FHIT: variants seen among roughly 807,000 people sequenced by gnomAD.
FHIT encodes the protein fragile histidine triad diadenosine triphosphatase, also known as bis(5'-adenosyl)-triphosphatase.
A neutral mutation model predicts 17.9 loss-of-function variants in FHIT; 19 were observed. The observed-to-expected ratio is 1.06, with a 90% CI of 0.74 to 1.56. The LOEUF is 1.56. Among genes scored for constraint, FHIT ranks in the 40% most tolerant of loss-of-function variants. The pLI is 0.00. For synonymous variants in FHIT, 81 were observed against 69.7 expected (o/e 1.16, Z -0.81); for missense variants, 248 against 189.2 (o/e 1.31, Z -1.82).
At position 60,767,331 on chromosome 3, in the gene FHIT, G is replaced by C. The variant is rs148003172; in HGVS notation, c.-18+54588C>G. On this transcript the variant is annotated intron_variant, in intron 4 of 9. Transcript: ENST00000492590. Reference sequence around the variant, plus strand: ...CACCACAATGATGACCATGCACAGAGTGTTTCTATCAGCAAGCCTATATTG... The same window carrying C: ...CACCACAATGATGACCATGCACAGACTGTTTCTATCAGCAAGCCTATATTG... 2.7e-3 allele frequency among the ~76,000 whole-genome samples: 410 copies of C among 152,286 alleles called. 1 individual carries two copies. The highest frequency in any genetic ancestry group is 4.5e-3 in the Non-Finnish European group (306 of 68,010).
chr3:61,138,283 C>T (rs2036974377), intron 2 of FHIT, among the ~76,000 whole-genome samples: 2 of 152,198 alleles, frequency 1.3e-5, no homozygotes, highest in African/African-American at 2.4e-5. Flanking sequence ...TACTGAGCCA[C>T]AGCCTGGGAG....
chr3:59,762,568 T>G (rs1016330352), intron 8 of FHIT, among the ~76,000 whole-genome samples: 5 of 152,178 alleles, frequency 3.3e-5, no homozygotes, highest in African/African-American at 1.2e-4. Context: ...CCAAACAAAT[T>G]TGCTGTATGT....
At chr3:60,399,186 CT>C (rs1701570067) in intron 5 of FHIT, among the ~76,000 whole-genome samples, 1 of 152,150 alleles carries the variant, frequency 6.6e-6, no homozygotes, top group Non-Finnish European at 1.5e-5. Flanking sequence ...AAAGTTTCCT[CT>C]TATCATCATA....
chr3:60,536,608 CA>C, intron 5 of FHIT: 1 of 374,876 alleles, frequency 2.7e-6, no homozygotes. Context: ...AATTCACCTC[CA>C]AAGCCACGGT....
At chr3:60,421,605 T>C (rs1199325624) in intron 5 of FHIT, among the ~76,000 whole-genome samples, 1 of 152,146 alleles carries the variant, frequency 6.6e-6, no homozygotes, top group Admixed American at 6.5e-5. Context: ...AGGTATTCCA[T>C]TTAATACTAT....
At position 60,347,795 on chromosome 3, in the gene FHIT, G is replaced by C. The variant is rs183217732; in HGVS notation, c.103+189065C>G. Among the ~76,000 whole-genome samples the C allele has an allele frequency of 1.8e-3, 263 of 149,724 alleles. 2 individuals carry two copies. The highest frequency in any genetic ancestry group is 7.8e-4 in the Non-Finnish European group (53 of 67,816). Reference sequence around the variant, plus strand: ...TTTTTTGAGACAAAGTCTCGCTCTTGTTGCCCAGGCTGGAGTGCAATAGCA... The same window carrying C: ...TTTTTTGAGACAAAGTCTCGCTCTTCTTGCCCAGGCTGGAGTGCAATAGCA... On this transcript the variant is annotated intron_variant, in intron 5 of 9. Transcript: ENST00000492590.
intron 5 of FHIT, among the ~76,000 whole-genome samples, chr3:60,493,417 T>C (rs940611628): frequency 7.2e-5 from 11 of 152,180 alleles, no homozygotes; most frequent in African/African-American, 2.7e-4. Context: ...GGCAAGCCAA[T>C]ATATGCTTAC....
chr3:60,964,876 T>A (rs1465147888), intron 3 of FHIT, among the ~76,000 whole-genome samples: 1 of 152,196 alleles, frequency 6.6e-6, no homozygotes, highest in African/African-American at 2.4e-5. Context: ...TTTTCCTTCA[T>A]TTCAACTTTG....
chr3:60,389,322 G>A (rs762209193), intron 5 of FHIT, among the ~76,000 whole-genome samples: 1 of 152,122 alleles, frequency 6.6e-6, no homozygotes, highest in Non-Finnish European at 1.5e-5. Flanking sequence ...GATATTTATG[G>A]CAAGTTTTAG....
chr3:60,317,317 T>C (rs575605160), intron 5 of FHIT, among the ~76,000 whole-genome samples: 8 of 152,056 alleles, frequency 5.3e-5, no homozygotes, highest in Non-Finnish European at 1.0e-4. Flanking sequence ...CTATTCATCC[T>C]GGACTGACAA....
chr3:60,896,071 T>C (rs1405881121), intron 3 of FHIT, among the ~76,000 whole-genome samples: 5 of 152,078 alleles, frequency 3.3e-5, no homozygotes, highest in African/African-American at 1.2e-4. Context: ...TAGATTCTCA[T>C]GGCAACATTA....
chr3:60,838,199 G>A (rs1453406712), intron 3 of FHIT, among the ~76,000 whole-genome samples: 2 of 152,214 alleles, frequency 1.3e-5, no homozygotes, highest in South Asian at 2.1e-4. Flanking sequence ...CCGGCTGGGC[G>A]TGGTGGCTCA....
chr3:60,347,444 C>G (rs1182104607), intron 5 of FHIT, among the ~76,000 whole-genome samples: 1 of 151,864 alleles, frequency 6.6e-6, no homozygotes, highest in African/African-American at 2.4e-5. Flanking sequence ...ACATTACAGC[C>G]ATTAAAAAAG....
intron 7 of FHIT, among the ~76,000 whole-genome samples, chr3:59,924,140 A>T (rs150202589): frequency 6.6e-6 from 1 of 152,204 alleles, no homozygotes; most frequent in Non-Finnish European, 1.5e-5. Flanking sequence ...AATCTACTGA[A>T]ATCTCCAGAT....
At chr3:59,770,449 G>A (rs997299723) in intron 8 of FHIT, among the ~76,000 whole-genome samples, 1 of 152,146 alleles carries the variant, frequency 6.6e-6, no homozygotes, top group East Asian at 1.9e-4. Context: ...TGCCATGCAC[G>A]CAAAGAGATT....
chr3:60,044,702 A>C (rs212056), intron 5 of FHIT, among the ~76,000 whole-genome samples: 152,300 of 152,306 alleles, frequency 1, 76,147 homozygotes, highest in Non-Finnish European at 1. Context: ...AGACTCAAAT[A>C]TAGATTGTAT....
At chr3:60,936,997 T>C (rs1319375535) in intron 3 of FHIT, among the ~76,000 whole-genome samples, 1 of 37,276 alleles carries the variant, frequency 2.7e-5, no homozygotes, top group Non-Finnish European at 9.3e-5. Flanking sequence ...TAATCAACAC[T>C]TTGTGAGCTG....
intron 8 of FHIT, among the ~76,000 whole-genome samples, chr3:59,832,525 T>C (rs1701200499): frequency 6.6e-6 from 1 of 152,202 alleles, no homozygotes; most frequent in Non-Finnish European, 1.5e-5. Flanking sequence ...AATCTTTAAA[T>C]GAGGTTGCAA....
At position 60,050,192 on chromosome 3, in the gene FHIT, C is replaced by T. The variant is rs943505241; in HGVS notation, c.104-36040G>A. 5.3e-5 allele frequency among the ~76,000 whole-genome samples: 8 copies of T among 152,064 alleles called. 1 individual carries two copies. The highest frequency in any genetic ancestry group is 3.3e-4 in the Admixed American group (5 of 15,256). On this transcript the variant is annotated intron_variant, in intron 5 of 9. Transcript: ENST00000492590. Reference sequence around the variant, plus strand: ...TATAAATCTCTTGTCCACTGTTAGACGTAATTTTTCAGCTATTATACGTAT... The same window carrying T: ...TATAAATCTCTTGTCCACTGTTAGATGTAATTTTTCAGCTATTATACGTAT...
Sources: gnomAD v4.1 joint callset for allele counts (sites outside exome capture counted in the v4.1 genomes callset) on GRCh38, gnomAD v4.1.1 for gene constraint, MANE v1.5 for transcripts, NCBI Gene and HGNC (gene_info 2026-07-23, HGNC 2026-07-21) for gene names.